Variants in CHRM3 observed in about 807,000 individuals in gnomAD.
The protein encoded by CHRM3 is cholinergic receptor muscarinic 3.
CHRM3 carries 11 observed loss-of-function variants against 41.8 expected under a neutral mutation model. That is an observed-to-expected ratio of 0.26 (90% CI 0.17 to 0.44). The LOEUF (loss-of-function observed/expected upper bound fraction) is 0.44. Ranked by LOEUF, CHRM3 falls within the 20% of genes least tolerant of loss-of-function variation. CHRM3 has a pLI of 1.00. For synonymous variants in CHRM3, 297 were observed against 301.4 expected, an observed-to-expected ratio of 0.99 and a Z score of 0.15; for missense variants, 571 against 745.4, an observed-to-expected ratio of 0.77 and a Z score of 2.72.
intron 1 of CHRM3, among the ~76,000 whole-genome samples, chr1:239,400,991 A>G (rs1360012712): frequency 6.6e-6 from 1 of 152,232 alleles, no homozygotes; most frequent in African/African-American, 2.4e-5. Context: ...CCTTTTATAT[A>G]AAATGCGTGC....
chr1:239,559,507 C>A (rs541741462), intron 3 of CHRM3, among the ~76,000 whole-genome samples: 1 of 152,286 alleles, frequency 6.6e-6, no homozygotes, highest in Non-Finnish European at 1.5e-5. Context: ...CTACATCAAA[C>A]TTTAAACCCA....
At chr1:239,646,400 G>A (rs1424773430) in intron 4 of CHRM3, among the ~76,000 whole-genome samples, 3 of 152,172 alleles carry the variant, frequency 2.0e-5, no homozygotes, top group Non-Finnish European at 4.4e-5. Flanking sequence ...CTGGATATAA[G>A]TTATGTAACC....
intron 6 of CHRM3, among the ~76,000 whole-genome samples, chr1:239,902,259 C>T (rs1176207480): frequency 6.6e-6 from 1 of 152,164 alleles, no homozygotes; most frequent in Non-Finnish European, 1.5e-5. Context: ...TAGCCTACAA[C>T]ACCACAATGC....
At position 239,501,131 on chromosome 1, in the gene CHRM3, A is replaced by G. The variant is rs574791556; in HGVS notation, c.-422+8324A>G. Among the ~76,000 whole-genome samples, 6 of 152,316 alleles carry G rather than the reference A, an allele frequency of 3.9e-5. No individual in the cohort carries two copies. In the East Asian group the frequency reaches 7.7e-4, roughly 20 times the overall value. On this transcript the variant is annotated intron_variant, in intron 2 of 6. Coordinates refer to ENST00000676153, the MANE Select transcript of CHRM3 (RefSeq NM_001375978.1). ...CTGGAGCTCTCAAATTTATAAAACA[A>G]TTACTAATAGACTTAAGAAATGAAA... is the stretch of plus-strand genomic sequence containing the variant.
At chr1:239,401,641 C>T (rs1042752338) in intron 1 of CHRM3, among the ~76,000 whole-genome samples, 24 of 152,086 alleles carry the variant, frequency 1.6e-4, no homozygotes, top group Non-Finnish European at 1.8e-4. Context: ...CAGGCACACA[C>T]CACCACACCC....
intron 5 of CHRM3, among the ~76,000 whole-genome samples, chr1:239,758,620 G>C (rs912555086): frequency 6.6e-6 from 1 of 152,158 alleles, no homozygotes; most frequent in Non-Finnish European, 1.5e-5. Context: ...ATGCTTGAAT[G>C]CTCACAGTTT....
At chr1:239,708,462 C>T (rs924424222) in intron 5 of CHRM3, among the ~76,000 whole-genome samples, 1 of 152,130 alleles carries the variant, frequency 6.6e-6, no homozygotes, top group Non-Finnish European at 1.5e-5. Flanking sequence ...CTACTCAACA[C>T]CCTCCAGTGG....
intron 1 of CHRM3, among the ~76,000 whole-genome samples, chr1:239,413,898 C>A (rs114460970): frequency 1.3e-5 from 2 of 152,044 alleles, no homozygotes; most frequent in African/African-American, 4.8e-5. Context: ...TGTAAATGTT[C>A]GCTTTGGTTT....
chr1:239,390,247 T>C (rs181382529), intron 1 of CHRM3, among the ~76,000 whole-genome samples: 10 of 152,320 alleles, frequency 6.6e-5, no homozygotes, highest in African/African-American at 1.2e-4. Flanking sequence ...AATTGTTTAA[T>C]ATAGTGTTTT....
At chr1:239,584,822 G>A (rs1477428235) in intron 3 of CHRM3, among the ~76,000 whole-genome samples, 3 of 152,082 alleles carry the variant, frequency 2.0e-5, no homozygotes, top group East Asian at 1.9e-4. Flanking sequence ...TTGGAAAAGC[G>A]TCTGTTGGTT....
intron 2 of CHRM3, among the ~76,000 whole-genome samples, chr1:239,527,481 C>T (rs1047937618): frequency 1.3e-5 from 2 of 152,226 alleles, no homozygotes; most frequent in African/African-American, 4.8e-5. Context: ...TGCTGACCAA[C>T]TGATTGTTCC....
At chr1:239,409,467 C>A (rs1486745846) in intron 1 of CHRM3, among the ~76,000 whole-genome samples, 1 of 152,154 alleles carries the variant, frequency 6.6e-6, no homozygotes, top group Non-Finnish European at 1.5e-5. Flanking sequence ...TTGGACAGGG[C>A]GCGGGATCTC....
chr1:239,808,251 CA>C (rs1229920015), intron 5 of CHRM3, among the ~76,000 whole-genome samples: 1 of 152,056 alleles, frequency 6.6e-6, no homozygotes, highest in Non-Finnish European at 1.5e-5. Flanking sequence ...AAAGGAATTG[CA>C]ATACTTTTTT....
chr1:239,889,589 G>A (rs1366875958), intron 6 of CHRM3, among the ~76,000 whole-genome samples: 7 of 152,170 alleles, frequency 4.6e-5, no homozygotes, highest in Non-Finnish European at 8.8e-5. Flanking sequence ...TTTGTTGAAA[G>A]GGAAGCTCTG....
At chr1:239,867,054 C>T (rs939059874) in intron 6 of CHRM3, among the ~76,000 whole-genome samples, 4 of 152,218 alleles carry the variant, frequency 2.6e-5, no homozygotes, top group African/African-American at 7.2e-5. Context: ...TTGCCAGCTG[C>T]ACTTCAGAGC....
intron 5 of CHRM3, among the ~76,000 whole-genome samples, chr1:239,826,251 T>A (rs1194837994): frequency 6.6e-6 from 1 of 152,140 alleles, no homozygotes; most frequent in Non-Finnish European, 1.5e-5. Flanking sequence ...CATATGCTCA[T>A]CCCCACCACC....
intron 5 of CHRM3, among the ~76,000 whole-genome samples, chr1:239,780,791 G>T (rs745462549): frequency 1.2e-4 from 18 of 146,714 alleles, no homozygotes; most frequent in African/African-American, 4.3e-4. Flanking sequence ...TTTTGTGAAG[G>T]GTGTAAGGTC....
At chr1:239,664,881 C>T (rs567967244) in intron 4 of CHRM3, among the ~76,000 whole-genome samples, 7 of 152,206 alleles carry the variant, frequency 4.6e-5, no homozygotes, top group Middle Eastern at 3.4e-3. Flanking sequence ...CTCTTGATAG[C>T]GGCTTTGCCA....
chr1:239,827,900 A>G (rs1672582100), intron 6 of CHRM3, among the ~76,000 whole-genome samples: 1 of 152,226 alleles, frequency 6.6e-6, no homozygotes, highest in Non-Finnish European at 1.5e-5. Context: ...TGTATTTTAA[A>G]TTAAAAAATC....
Sources: allele counts gnomAD v4.1 joint callset (sites outside exome capture counted in the v4.1 genomes callset), GRCh38; gene constraint gnomAD v4.1.1; transcripts MANE v1.5; gene names NCBI Gene and HGNC (gene_info 2026-07-23, HGNC 2026-07-21).